The following ADORA2B variants were observed in gnomAD, a reference collection of about 807,000 sequenced individuals.
The protein encoded by ADORA2B is adenosine receptor A2b.
In ADORA2B, 18 loss-of-function variants were observed where a neutral mutation model predicts 20.8. The observed-to-expected ratio is 0.87, with a 90% CI of 0.60 to 1.29. The LOEUF is 1.29. Ranked by LOEUF, ADORA2B falls within the 50% of genes most tolerant of loss-of-function variation. The pLI, the probability that ADORA2B is intolerant of heterozygous loss-of-function variation, is 0.00. For synonymous variants in ADORA2B, 179 were observed against 178.3 expected, an observed-to-expected ratio of 1.00 and a Z score of -0.03; for missense variants, 441 against 422.7, an observed-to-expected ratio of 1.04 and a Z score of -0.38.
chr17:15,856,029 A>C, the ADORA2B span, among the ~76,000 whole-genome samples: 2 of 151,990 alleles, frequency 1.3e-5, no homozygotes, highest in Non-Finnish European at 2.9e-5. Context: ...CTTCACTGAT[A>C]CGGTTTCCCT....
chr17:15,945,614 G>T (rs1567775454), intron 1 of ADORA2B, 31 bp downstream of exon 1: 25 of 1,445,190 alleles, frequency 1.7e-5, no homozygotes, highest in Admixed American at 2.6e-5. Context: ...CGAACTCGGG[G>T]CCCCGTCGGA....
chr17:15,863,166 C>G, the ADORA2B span, among the ~76,000 whole-genome samples: 1 of 151,946 alleles, frequency 6.6e-6, no homozygotes, highest in Non-Finnish European at 1.5e-5. Flanking sequence ...TTTCATTATA[C>G]CAGAAATGCA....
the ADORA2B span, among the ~76,000 whole-genome samples, chr17:15,865,812 A>G: frequency 3.2e-4 from 47 of 148,728 alleles, no homozygotes; most frequent in African/African-American, 7.8e-4. Flanking sequence ...TTTAAAAACT[A>G]TGTAATTTTG....
rs781359164 is a variant in ADORA2B at position 15,945,501 on chromosome 17, G to C, written c.253G>C (p.Val85Leu). Residue 85 changes from valine to leucine, a missense_variant, in exon 1 of 2, where the codon GTG (valine) becomes CTG (leucine). By Grantham distance (32) the Val-to-Leu change is conservative. Coordinates refer to ENST00000304222, the MANE Select transcript of ADORA2B (RefSeq NM_000676.4). Reference sequence around the variant, plus strand: ...CGGCTGCCTCTTCCTCGCCTGCTTCGTGCTGGTGCTCACGCAGAGCTCCAT... The same window carrying C: ...CGGCTGCCTCTTCCTCGCCTGCTTCCTGCTGGTGCTCACGCAGAGCTCCAT... ...FYGCLFLACF[V>L]LVLTQSSIFS... is the part of the protein sequence containing the mutation. The C allele has an allele frequency of 6.2e-7, 1 of 1,610,824 alleles. No individual in the cohort carries two copies.
intron 1 of ADORA2B, among the ~76,000 whole-genome samples, chr17:15,964,828 A>AGGC (rs1970085966): frequency 6.6e-6 from 1 of 151,396 alleles, no homozygotes; most frequent in Non-Finnish European, 1.5e-5. Flanking sequence ...TTGGGAGGCC[A>AGGC]AGGTGGGCGA....
the ADORA2B span, among the ~76,000 whole-genome samples, chr17:15,856,001 G>A: frequency 3.4e-4 from 52 of 152,126 alleles, no homozygotes; most frequent in East Asian, 9.1e-3. Flanking sequence ...GCTTCTCTGA[G>A]TTTGACTACT....
chr17:15,890,594 A>C, the ADORA2B span, among the ~76,000 whole-genome samples: 1 of 151,842 alleles, frequency 6.6e-6, no homozygotes, highest in Non-Finnish European at 1.5e-5. Context: ...TTTGGTTTTT[A>C]AGCTTAGCCA....
chr17:15,857,791 T>C, the ADORA2B span, among the ~76,000 whole-genome samples: 1 of 152,112 alleles, frequency 6.6e-6, no homozygotes, highest in Non-Finnish European at 1.5e-5. Context: ...GACTTGTTTT[T>C]ATAGCAGTGT....
chr17:15,969,383 G>A (rs1970160309), intron 1 of ADORA2B, among the ~76,000 whole-genome samples: 1 of 152,168 alleles, frequency 6.6e-6, no homozygotes, highest in African/African-American at 2.4e-5. Flanking sequence ...GAAACCAGGA[G>A]GCAGAGGTTG....
At chr17:15,905,875 C>T in the ADORA2B span, among the ~76,000 whole-genome samples, 5 of 152,054 alleles carry the variant, frequency 3.3e-5, no homozygotes, top group Non-Finnish European at 5.9e-5. Context: ...AGGCTGGTCG[C>T]GAACTCCTGA....
At chr17:15,931,857 G>A in the ADORA2B span, among the ~76,000 whole-genome samples, 1 of 151,662 alleles carries the variant, frequency 6.6e-6, no homozygotes, top group Non-Finnish European at 1.5e-5. Context: ...TCAGCCTCCC[G>A]AGTAGCTGGG....
intron 1 of ADORA2B, among the ~76,000 whole-genome samples, chr17:15,948,398 C>CGGTTGGGGGGGGGGGG (rs61613212): frequency 4.4e-5 from 1 of 22,602 alleles, no homozygotes; most frequent in African/African-American, 6.7e-5. Context: ...TGGGCCCTGG[C>CGGTTGGGGGGGGGGGG]GGCGGGGGGC....
intron 1 of ADORA2B, among the ~76,000 whole-genome samples, chr17:15,955,525 C>T (rs1346900435): frequency 6.6e-6 from 1 of 151,342 alleles, no homozygotes; most frequent in Non-Finnish European, 1.5e-5. Context: ...TCCTGCCTCA[C>T]CCTCCCGAGT....
rs1291101165 is a variant in ADORA2B at position 15,956,753 on chromosome 17, C to T, written c.335+11170C>T. ...TGAGATTACGGGCACATGCCACCAA[C>T]GATGCCCAGCTGATTTTTGTGTTTT... On this transcript the variant is annotated intron_variant, in intron 1 of 1. Coordinates refer to ENST00000304222, the MANE Select transcript of ADORA2B (RefSeq NM_000676.4). Among the ~76,000 whole-genome samples, 6 of 152,010 alleles carry T rather than the reference C, an allele frequency of 3.9e-5. No homozygotes were observed. In the South Asian group the frequency reaches 6.3e-4, roughly 16 times the overall value.
At chr17:15,904,674 C>G in the ADORA2B span, among the ~76,000 whole-genome samples, 1 of 152,144 alleles carries the variant, frequency 6.6e-6, no homozygotes, top group African/African-American at 2.4e-5. Context: ...CCGCGCCCGG[C>G]CTGTACTTTT....
chr17:15,899,217 G>A, the ADORA2B span, among the ~76,000 whole-genome samples: 3 of 151,406 alleles, frequency 2.0e-5, no homozygotes, highest in Admixed American at 1.3e-4. Flanking sequence ...GTGACAGAGC[G>A]AGACTCTGTC....
chr17:15,873,188 T>C, the ADORA2B span, among the ~76,000 whole-genome samples: 4 of 152,214 alleles, frequency 2.6e-5, no homozygotes, highest in Non-Finnish European at 5.9e-5. Context: ...TAATTCTGTT[T>C]ATGCGATGTC....
the ADORA2B span, among the ~76,000 whole-genome samples, chr17:15,868,311 T>C: frequency 1.5e-5 from 2 of 135,206 alleles, 1 homozygote; most frequent in Non-Finnish European, 3.3e-5. Context: ...TTCCCTCCAC[T>C]ATTGTCCTGT....
chr17:15,924,831 C>T, the ADORA2B span, among the ~76,000 whole-genome samples: 1 of 151,654 alleles, frequency 6.6e-6, no homozygotes, highest in African/African-American at 2.4e-5. Flanking sequence ...CCCTTAGCCC[C>T]TCCAGTCTTT....
Sources: gnomAD v4.1 joint callset for allele counts (sites outside exome capture counted in the v4.1 genomes callset) on GRCh38, gnomAD v4.1.1 for gene constraint, MANE v1.5 for transcripts, NCBI Gene and HGNC (gene_info 2026-07-23, HGNC 2026-07-21) for gene names.